PRDM16: variants seen among roughly 807,000 people sequenced by gnomAD.
The protein encoded by PRDM16 is PR/SET domain 16.
In PRDM16, 23 loss-of-function variants were observed where a neutral mutation model predicts 110.6. The ratio of observed to expected loss-of-function variants is 0.21; its 90% CI spans 0.15 to 0.29. The LOEUF (loss-of-function observed/expected upper bound fraction) is 0.29. Among genes scored for constraint, PRDM16 ranks in the 10% least tolerant of loss-of-function variants. PRDM16 has a pLI of 1.00. For missense variants in PRDM16, 1,615 were observed against 1,794.3 expected (o/e 0.90, Z 1.81); for synonymous variants, 799 against 781.8 (o/e 1.02, Z -0.37).
At chr1:3,271,964 C>G (rs1640466164) in intron 3 of PRDM16, among the ~76,000 whole-genome samples, 1 of 152,218 alleles carries the variant, frequency 6.6e-6, no homozygotes, top group Non-Finnish European at 1.5e-5. Context: ...TGCCCTGGGA[C>G]ACACAGAATG....
chr1:3,412,254 C>T lies in PRDM16; in HGVS notation c.2057C>T (p.Thr686Met), dbSNP rs868332674. 3 of 1,611,744 alleles carry T rather than the reference C, an allele frequency of 1.9e-6. No individual in the cohort carries two copies. The highest frequency in any genetic ancestry group is 2.2e-5 in the East Asian group (1 of 44,812). ...PPPDEQLLTA[T>M]GAAGDSIKAI... Reference sequence around the variant, plus strand: ...CCCGACGAGCAGCTGCTGACTGCAACGGGCGCCGCCGGGGACTCCATCAAG... The same window carrying T: ...CCCGACGAGCAGCTGCTGACTGCAATGGGCGCCGCCGGGGACTCCATCAAG... Residue 686 changes from threonine (T) to methionine (M), a missense_variant, in exon 9 of 17, where the codon ACG (threonine) becomes ATG (methionine). Transcript: ENST00000270722.
intron 1 of PRDM16, among the ~76,000 whole-genome samples, chr1:3,084,393 C>T (rs1292732795): frequency 3.9e-5 from 6 of 152,194 alleles, no homozygotes; most frequent in South Asian, 2.1e-4. Flanking sequence ...GGGCCGAAAG[C>T]GCTCGGCGGC....
At chr1:3,391,400 C>T (rs1295740393) in intron 4 of PRDM16, among the ~76,000 whole-genome samples, 1 of 152,184 alleles carries the variant, frequency 6.6e-6, no homozygotes, top group Non-Finnish European at 1.5e-5. Context: ...GCCGTCTGAA[C>T]CGCTACGCAA....
intron 14 of PRDM16, 145 bp from the exon 15 acceptor site, chr1:3,430,727 A>G (rs1363202736): frequency 9.4e-6 from 9 of 962,136 alleles, no homozygotes; most frequent in Non-Finnish European, 1.5e-5. Flanking sequence ...GGCTGGGCCC[A>G]GGGACCCGCG....
intron 3 of PRDM16, among the ~76,000 whole-genome samples, chr1:3,352,680 T>G (rs1420703503): frequency 6.6e-6 from 1 of 152,244 alleles, no homozygotes; most frequent in East Asian, 1.9e-4. Context: ...TAATCATCAC[T>G]GTCAGGCCGT....
chr1:3,276,691 C>CGAGGGGTGCCGTGAACAGAGCTAGG (rs1640592045), intron 3 of PRDM16, among the ~76,000 whole-genome samples: 1 of 151,816 alleles, frequency 6.6e-6, no homozygotes, highest in Non-Finnish European at 1.5e-5. Context: ...ACAGAGCCAG[C>CGAGGGGTGCCGTGAACAGAGCTAGG]GAGGGGTGCC....
At chr1:3,348,452 G>A (rs2100528853) in intron 3 of PRDM16, among the ~76,000 whole-genome samples, 1 of 152,330 alleles carries the variant, frequency 6.6e-6, no homozygotes, top group South Asian at 2.1e-4. Flanking sequence ...AAATCCGCGG[G>A]CCAAGGACAT....
Position 3,365,457 on chromosome 1 carries a change from G to A in PRDM16, c.439-19695G>A, listed in dbSNP as rs114519134. ...CTGGCCAATACAAGTGCTCCCTCCC[G>A]CCTCTTCCTCCTTATATTGGGCAGG... On this transcript the variant is annotated intron_variant, in intron 3 of 16. Transcript: ENST00000270722. 6.5e-3 allele frequency among the ~76,000 whole-genome samples: 993 copies of A among 152,314 alleles called. 14 individuals are homozygous for A. The highest frequency in any genetic ancestry group is 0.056 in the South Asian group (271 of 4,828).
intron 1 of PRDM16, among the ~76,000 whole-genome samples, chr1:3,174,976 C>T (rs1476186734): frequency 1.3e-5 from 2 of 152,182 alleles, no homozygotes; most frequent in South Asian, 2.1e-4. Flanking sequence ...TGGGCACAGA[C>T]GCTCAGAAGG....
At chr1:3,100,994 G>T (rs1203873079) in intron 1 of PRDM16, among the ~76,000 whole-genome samples, 2 of 152,022 alleles carry the variant, frequency 1.3e-5, no homozygotes, top group African/African-American at 4.8e-5. Context: ...ATTGGAGGGG[G>T]TGGGTGTCCG....
intron 3 of PRDM16, among the ~76,000 whole-genome samples, chr1:3,254,018 T>C (rs1452575744): frequency 6.6e-6 from 1 of 152,244 alleles, no homozygotes; most frequent in Admixed American, 6.5e-5. Flanking sequence ...TTTTGAGAAG[T>C]GTCTGTTCAT....
chr1:3,222,315 G>C (rs1639171321), intron 2 of PRDM16, among the ~76,000 whole-genome samples: 1 of 151,666 alleles, frequency 6.6e-6, no homozygotes, highest in Admixed American at 6.6e-5. Context: ...CTGGCCCTGA[G>C]ATGTATTTTC....
rs1167351224 is a variant in PRDM16, at chr1:3,287,874, AC to A, written c.438+43739del. On this transcript the variant is annotated intron_variant, in intron 3 of 16. Transcript: ENST00000270722. ...CACGCGGGCATCCAGGATTGCATTT[AC>A]CGGGGCTGGAGCCGCCCCCTGCATG... Among the ~76,000 whole-genome samples, 3 of 152,332 alleles carry A rather than the reference AC, an allele frequency of 2.0e-5. No individual in the cohort carries two copies. The East Asian group carries it at 5.8e-4, about 29-fold the overall frequency.
chr1:3,071,978 G>A (rs1316491839), intron 1 of PRDM16, among the ~76,000 whole-genome samples: 1 of 152,228 alleles, frequency 6.6e-6, no homozygotes, highest in Non-Finnish European at 1.5e-5. Flanking sequence ...CGGCTCCGGG[G>A]GTGACCCGGG....
At position 3,081,891 on chromosome 1, in the gene PRDM16, C is replaced by T. The variant is rs1642037445; in HGVS notation, c.37+12595C>T. On this transcript the variant is annotated intron_variant, in intron 1 of 16. Coordinates refer to ENST00000270722, the MANE Select transcript of PRDM16 (RefSeq NM_022114.4). This position sits in a 1 kb window ranked among gnomAD's most constrained non-coding sequence, Gnocchi z 4.6. ...GCCATCCCTAGCTCCCCTCACAGACCCAGAGGCAGAGGCCTTCAGGGCCAG... is the reference window on the plus strand; with the variant it reads ...GCCATCCCTAGCTCCCCTCACAGACTCAGAGGCAGAGGCCTTCAGGGCCAG... Among the ~76,000 whole-genome samples the T allele has an allele frequency of 6.6e-6, 1 of 152,202 alleles. No individual in the cohort carries two copies. Among genetic ancestry groups the T allele is most frequent in the Non-Finnish European group, 1.5e-5 (1 of 68,048 alleles).
At chr1:3,227,928 C>G (rs143881404) in intron 2 of PRDM16, among the ~76,000 whole-genome samples, 1 of 152,202 alleles carries the variant, frequency 6.6e-6, no homozygotes, top group African/African-American at 2.4e-5. Flanking sequence ...GACCTACACC[C>G]GAGTGGGTCG....
rs534846937 is a variant in PRDM16, at chr1:3,080,410, C to T, written c.37+11114C>T. On this transcript the variant is annotated intron_variant, in intron 1 of 16. Transcript: ENST00000270722. The surrounding 1 kb of genome is among the most constrained non-coding windows in gnomAD (Gnocchi z 5.2). The stretch of plus-strand genomic sequence containing the variant: ...CGCTTTCCGATCGGTTTCTCTACCC[C>T]GGCCCATCCAGCCATCCTTTTCTTT... 3.9e-5 allele frequency among the ~76,000 whole-genome samples: 6 copies of T among 152,190 alleles called. No homozygotes were observed. Among genetic ancestry groups the T allele is most frequent in the Admixed American group, 6.5e-5 (1 of 15,280 alleles).
At chr1:3,215,857 G>A (rs748253041) in intron 2 of PRDM16, among the ~76,000 whole-genome samples, 1 of 152,084 alleles carries the variant, frequency 6.6e-6, no homozygotes, top group Admixed American at 6.5e-5. Flanking sequence ...ATTCTTCCCC[G>A]GCTCCTCAGC....
At chr1:3,307,615 A>G (rs1209749376) in intron 3 of PRDM16, 1 of 152,168 alleles carries the variant, frequency 6.6e-6, no homozygotes, top group African/African-American at 2.4e-5. Context: ...AAGAGCGCAC[A>G]GTGTGCAAGG....
Sources: allele counts gnomAD v4.1 joint callset (sites outside exome capture counted in the v4.1 genomes callset), GRCh38; gene constraint gnomAD v4.1.1; non-coding constraint Gnocchi (gnomAD v3.1); transcripts MANE v1.5; gene names NCBI Gene and HGNC (gene_info 2026-07-23, HGNC 2026-07-21).